The following DCLRE1B variants were observed in gnomAD, a reference collection of about 807,000 sequenced individuals.
DCLRE1B encodes the protein 5' exonuclease Apollo.
DCLRE1B carries 6 observed loss-of-function variants against 19.8 expected under a neutral mutation model. The observed-to-expected ratio is 0.30, with a 90% CI of 0.17 to 0.60. The LOEUF (loss-of-function observed/expected upper bound fraction) is 0.60. DCLRE1B is among the 20% of genes least tolerant of loss of function. DCLRE1B has a pLI of 0.87. For synonymous variants in DCLRE1B, 258 were observed against 255.7 expected (o/e 1.01, Z -0.09); for missense variants, 622 against 654.2 (o/e 0.95, Z 0.54).
chr1:113,905,591 A>G lies in DCLRE1B; in HGVS notation c.5A>G (p.Asn2Ser). 7 of 1,614,002 alleles carry G rather than the reference A, an allele frequency of 4.3e-6. No individual in the cohort carries two copies. Among genetic ancestry groups the G allele is most frequent in the Non-Finnish European group, 5.9e-6 (7 of 1,179,994 alleles). ...GGTGACTCCAACCCTACCACCATGA[A>G]TGGGGTCCTGATCCCCCATACGCCC... M[N>S]GVLIPHTPIA... is the part of the protein sequence containing the mutation. Residue 2 changes from asparagine to serine, a missense_variant, in exon 1 of 4, where the codon AAT (asparagine) becomes AGT (serine). By Grantham distance (46) the Asn-to-Ser change is conservative. Coordinates refer to ENST00000650450, the MANE Select transcript of DCLRE1B (RefSeq NM_022836.4).
chr1:113,911,093 C>G (rs2101074371), intron 3 of DCLRE1B, 38 bp from the exon 4 acceptor site: 2 of 1,524,566 alleles, frequency 1.3e-6, no homozygotes, highest in East Asian at 4.6e-5. Context: ...AATTTTCTTC[C>G]TTCTCTTACT....
chr1:113,909,323 C>G (rs1489454918), intron 3 of DCLRE1B, among the ~76,000 whole-genome samples: 4 of 152,142 alleles, frequency 2.6e-5, no homozygotes, highest in Non-Finnish European at 4.4e-5. Flanking sequence ...AGGACTCTTT[C>G]TTGGAGTTGC....
At chr1:113,909,819 G>A (rs1381339020) in intron 3 of DCLRE1B, among the ~76,000 whole-genome samples, 1 of 152,140 alleles carries the variant, frequency 6.6e-6, no homozygotes, top group Non-Finnish European at 1.5e-5. Flanking sequence ...AGTCTGGTAG[G>A]GAAGGACCTG....
rs1195076636 is a variant in DCLRE1B at position 113,905,735 on chromosome 1, G to C, written c.149G>C (p.Cys50Ser). ...LSSTWARPLY[C>S]SPITAHLLHR... Reference sequence around the variant, plus strand: ...AGCACCTGGGCCCGGCCCCTCTACTGCTCCCCAATTACAGCCCACCTCTTG... The same window carrying C: ...AGCACCTGGGCCCGGCCCCTCTACTCCTCCCCAATTACAGCCCACCTCTTG... The change falls in exon 1 of 4, where the codon TGC becomes TCC. Residue 50 changes from cysteine (C) to serine (S), a missense_variant. Cys to Ser is a moderately radical substitution (Grantham distance 112, BLOSUM62 -1). Coordinates refer to ENST00000650450, the MANE Select transcript of DCLRE1B (RefSeq NM_022836.4). The C allele has an allele frequency of 6.2e-7, 1 of 1,614,020 alleles. No homozygotes were observed. Among genetic ancestry groups the C allele is most frequent in the African/African-American group, 1.3e-5 (1 of 75,016 alleles).
chr1:113,906,865 C>T (rs1669028821), intron 1 of DCLRE1B, 131 bp from the exon 2 acceptor site: 1 of 946,646 alleles, frequency 1.1e-6, no homozygotes. Flanking sequence ...TTGGGAATCC[C>T]CATTACAGCT....
chr1:113,910,527 GGTCT>G (rs1669215189), intron 3 of DCLRE1B, among the ~76,000 whole-genome samples: 1 of 151,766 alleles, frequency 6.6e-6, no homozygotes, highest in South Asian at 2.1e-4. Flanking sequence ...TAAGAGACAG[GGTCT>G]CACTCTGTTG....
chr1:113,907,985 G>GC (rs1411667381), intron 2 of DCLRE1B, 24 bp from the exon 3 acceptor site: 28 of 1,600,318 alleles, frequency 1.7e-5, no homozygotes, highest in Non-Finnish European at 2.4e-5. Flanking sequence ...CTGACCTTCT[G>GC]CCCCCATGTA....
rs1431086869 is a variant in DCLRE1B at position 113,906,910 on chromosome 1, C to T, written c.190-86C>T. ...GGTGGCTCAGGATTTGGTCAGCTTT[C>T]CTGATTCATGTAAGGGATAGTCCCT... On this transcript the variant is annotated intron_variant, in intron 1 of 3. Coordinates refer to ENST00000650450, the MANE Select transcript of DCLRE1B (RefSeq NM_022836.4). The T allele has an allele frequency of 3.7e-5, 56 of 1,497,176 alleles. No homozygotes were observed. The Admixed American group carries it at 1.0e-3, about 28-fold the overall frequency. The allele number at this position is 1,497,176 out of a possible 1,614,324, so 92.7% of individuals were successfully genotyped here. A position where few individuals can be genotyped will look rare whatever the true frequency, so the allele number is the denominator to read the frequency against.
chr1:113,904,891 C>T (rs1225010790), upstream of DCLRE1B: 14 of 644,142 alleles, frequency 2.2e-5, no homozygotes, highest in Non-Finnish European at 3.7e-5. Context: ...TGACACACTT[C>T]CACGCCCTCC....
At chr1:113,906,277 C>T (rs942138075) in intron 1 of DCLRE1B, among the ~76,000 whole-genome samples, 1 of 151,478 alleles carries the variant, frequency 6.6e-6, no homozygotes, top group Admixed American at 6.6e-5. Flanking sequence ...AGGCTGTTCT[C>T]TAACTCCTGA....
In DCLRE1B at chr1:113,911,703, A is replaced by G. The variant is rs1382071643; in HGVS notation, c.1111A>G (p.Lys371Glu). The G allele has an allele frequency of 1.2e-6, 2 of 1,613,910 alleles. No homozygotes were observed. Among genetic ancestry groups the G allele is most frequent in the South Asian group, 2.2e-5 (2 of 91,086 alleles). Residue 371 changes from lysine to glutamate, a missense_variant, in exon 4 of 4, where the codon AAG (lysine) becomes GAG (glutamate). By Grantham distance (56) the Lys-to-Glu change is moderately conservative. Coordinates refer to ENST00000650450, the MANE Select transcript of DCLRE1B (RefSeq NM_022836.4). ...TCAATCTCAAGCTGACAGAGACTCAAAGAAGGCCAAGAAAGAGAAACTTTC... is the reference window on the plus strand; with the variant it reads ...TCAATCTCAAGCTGACAGAGACTCAGAGAAGGCCAAGAAAGAGAAACTTTC... ...ADQSQADRDS[K>E]KAKKEKLSPW...
At chr1:113,906,571 A>G (rs1278453671) in intron 1 of DCLRE1B, among the ~76,000 whole-genome samples, 3 of 146,960 alleles carry the variant, frequency 2.0e-5, no homozygotes, top group East Asian at 2.1e-4. Flanking sequence ...GCTCACTGCA[A>G]GCTCCGCCTC....
Position 113,905,636 on chromosome 1 carries a change from G to C in DCLRE1B, c.50G>C (p.Ser17Thr). 6.2e-7 allele frequency: 1 copy of C among 1,614,176 alleles called. No homozygotes were observed. The highest frequency in any genetic ancestry group is 8.5e-7 in the Non-Finnish European group (1 of 1,180,030). Residue 17 changes from serine to threonine, a missense_variant, in exon 1 of 4, where the codon AGC (serine) becomes ACC (threonine). Physicochemically the swap from Ser to Thr is moderately conservative, Grantham distance 58. This residue lies in a region of DCLRE1B where 237 missense variants were observed against 223.8 expected (regional missense o/e 1.06). Transcript: ENST00000650450. The part of the protein sequence containing the change: ...PHTPIAVDFW[S>T]LRRAGTARLF... The stretch of plus-strand genomic sequence containing the variant: ...ACGCCCATCGCAGTGGACTTCTGGA[G>C]CCTGCGCCGGGCTGGCACCGCACGT...
At chr1:113,904,724 AAG>A, upstream of DCLRE1B, 1 of 1,611,732 alleles carries the variant, frequency 6.2e-7, no homozygotes, top group South Asian at 1.1e-5. Flanking sequence ...GCATCTTCCT[AAG>A]AGTCACAGGG....
chr1:113,908,274 G>T (rs1403617819), intron 3 of DCLRE1B, 83 bp downstream of exon 3: 1 of 1,530,042 alleles, frequency 6.5e-7, no homozygotes, highest in African/African-American at 1.4e-5. Context: ...TCAGATCTTT[G>T]TGCAGTTCTC....
rs1158832310 is a variant in DCLRE1B at position 113,905,335 on chromosome 1, G to C, written c.-252G>C. 1 of 501,204 alleles carries C rather than the reference G, an allele frequency of 2.0e-6. No homozygotes were observed. The highest frequency in any genetic ancestry group is 2.0e-5 in the African/African-American group (1 of 50,708). 31.0% of individuals were successfully genotyped at this position (501,204 alleles called of 1,614,324 possible). A position where few individuals can be genotyped will look rare whatever the true frequency, so the allele number is the denominator to read the frequency against. Reference sequence around the variant, plus strand: ...CCTCCCTGCAGCGCGCGCTTTGAGTGCCCGGCTCGGCCTCCGCTCCCGCGC... The same window carrying C: ...CCTCCCTGCAGCGCGCGCTTTGAGTCCCCGGCTCGGCCTCCGCTCCCGCGC... On this transcript the variant is annotated 5_prime_UTR_variant, in exon 1 of 4. Transcript: ENST00000650450.
In DCLRE1B at chr1:113,911,347, T is replaced by C; in HGVS notation, c.755T>C (p.Ile252Thr). 6.2e-7 allele frequency: 1 copy of C among 1,614,150 alleles called. No homozygotes were observed. The highest frequency in any genetic ancestry group is 8.5e-7 in the Non-Finnish European group (1 of 1,180,028). The change falls in exon 4 of 4, where the codon ATT becomes ACT. Residue 252 changes from isoleucine (I) to threonine (T), a missense_variant. By Grantham distance (89) the Ile-to-Thr change is moderately conservative (BLOSUM62 -1). This residue lies in a region of DCLRE1B where 382 missense variants were observed against 412.5 expected (regional missense o/e 0.93). Coordinates refer to ENST00000650450, the MANE Select transcript of DCLRE1B (RefSeq NM_022836.4). Reference protein sequence around the residue: ...MLRWNQTHPTIAILPTSRKIH... With the variant: ...MLRWNQTHPTTAILPTSRKIH... ...CGTTGGAACCAGACCCACCCTACGATTGCTATCCTTCCCACAAGCCGAAAA... is the reference window on the plus strand; with the variant it reads ...CGTTGGAACCAGACCCACCCTACGACTGCTATCCTTCCCACAAGCCGAAAA...
chr1:113,905,828 C>G, intron 1 of DCLRE1B, 53 bp downstream of exon 1: 1 of 1,543,814 alleles, frequency 6.5e-7, no homozygotes, highest in East Asian at 2.3e-5. Flanking sequence ...TGGGTTGGGA[C>G]TTCAACCTGT....
chr1:113,912,041 G>C lies in DCLRE1B; in HGVS notation c.1449G>C (p.Leu483=), dbSNP rs768918278. ...CCTGGATGGGCCATGGTTCTCCCCT[G>C]TCCCACAGCAGCAAGGGCACCCCTC... is the stretch of plus-strand genomic sequence containing the variant. The part of the protein sequence containing the change: ...QSAWMGHGSP[L]SHSSKGTPLL... The change falls in exon 4 of 4, where the codon CTG becomes CTC. Residue 483 remains leucine (L), a synonymous_variant. Transcript: ENST00000650450. The C allele has an allele frequency of 6.2e-7, 1 of 1,614,204 alleles. No homozygotes were observed. The highest frequency in any genetic ancestry group is 1.1e-5 in the South Asian group (1 of 91,090).
Sources: gnomAD v4.1 joint callset for allele counts (sites outside exome capture counted in the v4.1 genomes callset) on GRCh38, gnomAD v4.1.1 for gene constraint, gnomAD v4.1.1 regional missense constraint, MANE v1.5 for transcripts, NCBI Gene and HGNC (gene_info 2026-07-23, HGNC 2026-07-21) for gene names.